The following PPP2R5E variants were observed in gnomAD, a reference collection of about 807,000 sequenced individuals.
PPP2R5E encodes the protein protein phosphatase 2 regulatory subunit B'epsilon, also known as serine/threonine-protein phosphatase 2A 56 kDa regulatory subunit epsilon isoform.
A neutral mutation model predicts 65.3 loss-of-function variants in PPP2R5E; 4 were observed. The ratio of observed to expected loss-of-function variants is 0.06; its 90% CI spans 0.03 to 0.14. The LOEUF (loss-of-function observed/expected upper bound fraction) is 0.14. Ranked by LOEUF, PPP2R5E falls within the 10% of genes least tolerant of loss-of-function variation. The pLI is 1.00. For missense variants in PPP2R5E, 274 were observed against 556.1 expected, an observed-to-expected ratio of 0.49 and a Z score of 5.10; for synonymous variants, 183 against 187.4, an observed-to-expected ratio of 0.98 and a Z score of 0.19.
intron 2 of PPP2R5E, among the ~76,000 whole-genome samples, chr14:63,465,640 T>C (rs1419583827): frequency 2.0e-5 from 3 of 152,114 alleles, no homozygotes; most frequent in Non-Finnish European, 4.4e-5. Flanking sequence ...AAAAATTTTT[T>C]TTAAAGAAAC....
chr14:63,384,626 A>G, intron 11 of PPP2R5E, 55 bp from the exon 12 acceptor site: 1 of 1,451,146 alleles, frequency 6.9e-7, no homozygotes, highest in Non-Finnish European at 9.4e-7. Flanking sequence ...AAGATAAAAC[A>G]AAATTATAAA....
Position 63,373,239 on chromosome 14 carries a change from C to G in PPP2R5E, c.*2770G>C, listed in dbSNP as rs1883785969. ...GGTTGGAGTGATCATCACTCACTAA[C>G]TACAATATTTGCTATTTAAAAAATA... is the stretch of plus-strand genomic sequence containing the variant. On this transcript the variant is annotated 3_prime_UTR_variant, in exon 14 of 14. Coordinates refer to ENST00000337537, the MANE Select transcript of PPP2R5E (RefSeq NM_006246.5). 6.6e-6 allele frequency: 1 copy of G among 152,218 alleles called. No homozygotes were observed. The highest frequency in any genetic ancestry group is 1.5e-5 in the Non-Finnish European group (1 of 68,048). The allele number at this position is 152,218 out of a possible 1,614,324, so 9.4% of individuals were successfully genotyped here.
chr14:63,539,717 C>T lies in PPP2R5E; in HGVS notation c.-7-25G>A, dbSNP rs772557039. On this transcript the variant is annotated intron_variant, in intron 1 of 13. Transcript: ENST00000337537. ...ACTGAAGAGAAAGAAGTATCATAAA[C>T]CCATACATTCCCAAGGTGGAAGCAT... 75 of 1,586,394 alleles carry T rather than the reference C, an allele frequency of 4.7e-5. 1 individual carries two copies. The highest frequency in any genetic ancestry group is 5.9e-5 in the Non-Finnish European group (69 of 1,159,694).
chr14:63,465,286 A>G (rs963018236), intron 2 of PPP2R5E, among the ~76,000 whole-genome samples: 3 of 151,934 alleles, frequency 2.0e-5, no homozygotes, highest in Non-Finnish European at 4.4e-5. Flanking sequence ...GTTTTAAACA[A>G]TTTTTTAATT....
chr14:63,470,555 T>C (rs764348578), intron 2 of PPP2R5E, among the ~76,000 whole-genome samples: 9 of 151,418 alleles, frequency 5.9e-5, no homozygotes, highest in Non-Finnish European at 1.5e-5. Context: ...AGGAAGAACA[T>C]ATTTATATTA....
chr14:63,407,758 T>G (rs1037977524), intron 5 of PPP2R5E, among the ~76,000 whole-genome samples: 1 of 152,154 alleles, frequency 6.6e-6, no homozygotes, highest in Non-Finnish European at 1.5e-5. Flanking sequence ...GTAAGGCCTT[T>G]TGGTGTTGAG....
At chr14:63,451,342 A>C (rs1888813705) in intron 3 of PPP2R5E, 1 of 152,242 alleles carries the variant, frequency 6.6e-6, no homozygotes, top group Non-Finnish European at 1.5e-5. Context: ...GAATGGATAA[A>C]CTATGGTACA....
In PPP2R5E at chr14:63,543,312, T is replaced by C. The variant is rs1470346609; in HGVS notation, c.-541A>G. ...GTCCCAGTCAATGCCCCTTTCTCTC[T>C]CCTATTGTCAATATCACCGGGCGGC... is the stretch of plus-strand genomic sequence containing the variant. On this transcript the variant is annotated 5_prime_UTR_variant, in exon 1 of 14. Coordinates refer to ENST00000337537, the MANE Select transcript of PPP2R5E (RefSeq NM_006246.5). 1 of 152,806 alleles carries C rather than the reference T, an allele frequency of 6.5e-6. No individual in the cohort carries two copies. Among genetic ancestry groups the C allele is most frequent in the Non-Finnish European group, 1.5e-5 (1 of 68,228 alleles). 9.5% of individuals were successfully genotyped at this position (152,806 alleles called of 1,614,324 possible).
chr14:63,513,781 A>C (rs1309702403), intron 2 of PPP2R5E, among the ~76,000 whole-genome samples: 1 of 152,250 alleles, frequency 6.6e-6, no homozygotes, highest in African/African-American at 2.4e-5. Context: ...AAACTTATAT[A>C]GCGCTCATCT....
At chr14:63,380,842 C>CA (rs1295215708) in intron 13 of PPP2R5E, among the ~76,000 whole-genome samples, 3 of 151,942 alleles carry the variant, frequency 2.0e-5, no homozygotes, top group Non-Finnish European at 2.9e-5. Flanking sequence ...TAACTTAAAA[C>CA]AAAAAAATCA....
At chr14:63,473,656 C>T (rs962003003) in intron 2 of PPP2R5E, among the ~76,000 whole-genome samples, 2 of 152,202 alleles carry the variant, frequency 1.3e-5, no homozygotes, top group Non-Finnish European at 2.9e-5. Flanking sequence ...TGCAATCAGA[C>T]TCAAGAGGCT....
At chr14:63,410,281 T>C (rs1441575322) in intron 5 of PPP2R5E, among the ~76,000 whole-genome samples, 1 of 152,042 alleles carries the variant, frequency 6.6e-6, no homozygotes, top group Non-Finnish European at 1.5e-5. Flanking sequence ...TCATCCTGAT[T>C]TGTCAAAAGG....
At chr14:63,446,047 A>G (rs1217132915) in intron 3 of PPP2R5E, among the ~76,000 whole-genome samples, 1 of 152,230 alleles carries the variant, frequency 6.6e-6, no homozygotes, top group African/African-American at 2.4e-5. Flanking sequence ...TGTCATTTCA[A>G]CAATGTTCAC....
intron 3 of PPP2R5E, among the ~76,000 whole-genome samples, chr14:63,438,486 G>A (rs887038840): frequency 3.9e-5 from 6 of 152,104 alleles, no homozygotes; most frequent in African/African-American, 1.4e-4. Context: ...ATTAAAAGGT[G>A]GGAGAAAAGA....
At chr14:63,464,697 G>A (rs776824152) in intron 2 of PPP2R5E, among the ~76,000 whole-genome samples, 1 of 152,162 alleles carries the variant, frequency 6.6e-6, no homozygotes, top group Non-Finnish European at 1.5e-5. Flanking sequence ...TTACTTCTCT[G>A]AGCATTAGTT....
chr14:63,404,404 G>A (rs1307799078), intron 5 of PPP2R5E, among the ~76,000 whole-genome samples: 8 of 152,134 alleles, frequency 5.3e-5, no homozygotes, highest in Non-Finnish European at 1.2e-4. Context: ...GGCTTTGTTT[G>A]CAACTTTCTC....
At position 63,382,097 on chromosome 14, in the gene PPP2R5E, C is replaced by G. The variant is rs1012030269; in HGVS notation, c.1263G>C (p.Met421Ile). The G allele has an allele frequency of 6.2e-7, 1 of 1,613,720 alleles. No homozygotes were observed. Among genetic ancestry groups the G allele is most frequent in the African/African-American group, 1.3e-5 (1 of 74,926 alleles). Reference sequence around the variant, plus strand: ...TGTATGTGGCTGTCAGCTCGTCAAACATGGTGCTGTTCATTTCCATAAATG... The same window carrying G: ...TGTATGTGGCTGTCAGCTCGTCAAAGATGGTGCTGTTCATTTCCATAAATG... ...LKAFMEMNST[M>I]FDELTATYKS... The change falls in exon 13 of 14, where the codon ATG becomes ATC. Residue 421 changes from methionine to isoleucine, a missense_variant. Met to Ile is a conservative substitution (Grantham distance 10). Coordinates refer to ENST00000337537, the MANE Select transcript of PPP2R5E (RefSeq NM_006246.5).
At chr14:63,447,778 A>G (rs1448320065) in intron 3 of PPP2R5E, among the ~76,000 whole-genome samples, 1 of 152,196 alleles carries the variant, frequency 6.6e-6, no homozygotes, top group Non-Finnish European at 1.5e-5. Context: ...TTTTGATTTA[A>G]AATGAGAGAC....
intron 2 of PPP2R5E, among the ~76,000 whole-genome samples, chr14:63,460,849 G>T (rs543204643): frequency 6.6e-6 from 1 of 152,194 alleles, no homozygotes; most frequent in African/African-American, 2.4e-5. Context: ...TTGACACTAT[G>T]ATCTAATCAG....
Sources: allele counts gnomAD v4.1 joint callset (sites outside exome capture counted in the v4.1 genomes callset), GRCh38; gene constraint gnomAD v4.1.1; transcripts MANE v1.5; gene names NCBI Gene and HGNC (gene_info 2026-07-23, HGNC 2026-07-21).